DGKB: variants seen among roughly 807,000 people sequenced by gnomAD.
The protein encoded by DGKB is 90 kDa diacylglycerol kinase.
A neutral mutation model predicts 114.3 loss-of-function variants in DGKB; 67 were observed. The ratio of observed to expected loss-of-function variants is 0.59; its 90% CI spans 0.48 to 0.72. The LOEUF (loss-of-function observed/expected upper bound fraction) is 0.72, where lower values mean the gene tolerates loss of function less well. DGKB is among the 30% of genes least tolerant of loss of function. The probability of loss-of-function intolerance (pLI) is 0.00; values close to 1 mark genes in which losing one functional copy is unlikely to be tolerated. For synonymous variants in DGKB, 398 were observed against 323.1 expected (o/e 1.23, Z -2.49); for missense variants, 907 against 975.2 (o/e 0.93, Z 0.93).
At chr7:14,760,322 T>C (rs1835502624) in intron 2 of DGKB, among the ~76,000 whole-genome samples, 1 of 152,158 alleles carries the variant, frequency 6.6e-6, no homozygotes, top group Non-Finnish European at 1.5e-5. Context: ...ACTTTCAACT[T>C]CATCACAAAG....
intron 20 of DGKB, among the ~76,000 whole-genome samples, chr7:14,523,097 T>G (rs368642087): frequency 6.6e-6 from 1 of 152,302 alleles, no homozygotes. Flanking sequence ...TAAATATTAA[T>G]AACAGGAAGC....
chr7:14,310,210 TAAAG>T (rs1372048013), intron 23 of DGKB, among the ~76,000 whole-genome samples: 1 of 152,102 alleles, frequency 6.6e-6, no homozygotes, highest in East Asian at 1.9e-4. Flanking sequence ...TACCAAAATA[TAAAG>T]AGTGTGTTGT....
intron 21 of DGKB, among the ~76,000 whole-genome samples, chr7:14,463,872 A>T (rs559580025): frequency 6.6e-6 from 1 of 152,316 alleles, no homozygotes; most frequent in South Asian, 2.1e-4. Flanking sequence ...GCCTTTAAGA[A>T]ATATAAATGA....
chr7:14,794,198 G>C (rs1841083992), intron 2 of DGKB, among the ~76,000 whole-genome samples: 1 of 152,124 alleles, frequency 6.6e-6, no homozygotes, highest in African/African-American at 2.4e-5. Flanking sequence ...ACCAAGAGTG[G>C]TTCTAGAGGA....
chr7:14,418,506 T>A (rs1826150201), intron 21 of DGKB, among the ~76,000 whole-genome samples: 1 of 151,220 alleles, frequency 6.6e-6, no homozygotes, highest in South Asian at 2.1e-4. Flanking sequence ...AACCATAGTG[T>A]CTCCTACAAA....
At chr7:14,866,479 T>A (rs977657051) in intron 1 of DGKB, among the ~76,000 whole-genome samples, 1 of 152,226 alleles carries the variant, frequency 6.6e-6, no homozygotes, top group African/African-American at 2.4e-5. Context: ...CAGAATGTTA[T>A]ATACACTTAG....
chr7:14,545,679 G>C (rs570785428), intron 20 of DGKB, among the ~76,000 whole-genome samples: 1 of 152,188 alleles, frequency 6.6e-6, no homozygotes, highest in Non-Finnish European at 1.5e-5. Flanking sequence ...TTTAAGAATT[G>C]CTACACTGGG....
At chr7:14,737,140 G>A (rs1831839731) in intron 4 of DGKB, among the ~76,000 whole-genome samples, 1 of 152,174 alleles carries the variant, frequency 6.6e-6, no homozygotes, top group Non-Finnish European at 1.5e-5. Context: ...GGAGGAGAAG[G>A]CCAGTGGAGT....
At chr7:14,749,793 C>T (rs911506622) in intron 4 of DGKB, among the ~76,000 whole-genome samples, 1 of 152,036 alleles carries the variant, frequency 6.6e-6, no homozygotes. Context: ...GTCTTGGAAA[C>T]CTTTGTATAT....
At chr7:14,335,509 G>A (rs1351361067) in intron 23 of DGKB, among the ~76,000 whole-genome samples, 1 of 152,032 alleles carries the variant, frequency 6.6e-6, no homozygotes, top group African/African-American at 2.4e-5. Context: ...AACAGTGTTA[G>A]TTAATATTTT....
chr7:14,720,849 TA>T (rs558389660), intron 5 of DGKB, among the ~76,000 whole-genome samples: 2,833 of 129,986 alleles, frequency 0.022, 16 homozygotes, highest in Middle Eastern at 0.05. Flanking sequence ...TCCTGAGCTT[TA>T]AAAAAAAAAA....
At chr7:14,632,096 T>A (rs1809831488) in intron 13 of DGKB, among the ~76,000 whole-genome samples, 1 of 152,032 alleles carries the variant, frequency 6.6e-6, no homozygotes. Context: ...TGGTTCAGAA[T>A]AACAACCAAA....
At chr7:14,575,552 T>G (rs1799000069) in intron 19 of DGKB, among the ~76,000 whole-genome samples, 1 of 152,174 alleles carries the variant, frequency 6.6e-6, no homozygotes, top group South Asian at 2.1e-4. Context: ...AGGGTTCTTG[T>G]GAAGATTAAG....
At chr7:14,430,061 T>C (rs1828219644) in intron 21 of DGKB, among the ~76,000 whole-genome samples, 1 of 152,204 alleles carries the variant, frequency 6.6e-6, no homozygotes, top group Non-Finnish European at 1.5e-5. Context: ...ACTTTTTAGT[T>C]ACATTCTTTC....
At chr7:14,440,803 C>T (rs940157092) in intron 21 of DGKB, among the ~76,000 whole-genome samples, 11 of 152,124 alleles carry the variant, frequency 7.2e-5, no homozygotes, top group Non-Finnish European at 1.3e-4. Flanking sequence ...ACAAGTTGCT[C>T]TTCAAAGTGT....
chr7:14,500,247 TC>T (rs1785944387), intron 20 of DGKB, among the ~76,000 whole-genome samples: 2 of 151,864 alleles, frequency 1.3e-5, no homozygotes, highest in Non-Finnish European at 2.9e-5. Context: ...ACTGTATTGA[TC>T]CAGACTATAA....
intron 13 of DGKB, among the ~76,000 whole-genome samples, chr7:14,658,603 A>G (rs1236232718): frequency 6.6e-6 from 1 of 151,972 alleles, no homozygotes; most frequent in Non-Finnish European, 1.5e-5. Flanking sequence ...GAAATACTCA[A>G]GGTGATGTAT....
rs1223613771 is a variant in DGKB at position 14,147,580 on chromosome 7, C to CAAAG, written c.*1547_*1550dup. On this transcript the variant is annotated 3_prime_UTR_variant, in exon 26 of 26. Coordinates refer to ENST00000402815, the MANE Select transcript of DGKB (RefSeq NM_001350709.2). ...GAATCACTAAATGCTATTTGTTATT[C>CAAAG]AAAGAAAGATGAATGAATCAATAAC... is the stretch of plus-strand genomic sequence containing the variant. The CAAAG allele has an allele frequency of 1.3e-5, 2 of 152,112 alleles. No individual in the cohort carries two copies. Among genetic ancestry groups the CAAAG allele is most frequent in the African/African-American group, 4.8e-5 (2 of 41,402 alleles). 9.4% of individuals were successfully genotyped at this position (152,112 alleles called of 1,614,324 possible).
intron 21 of DGKB, among the ~76,000 whole-genome samples, chr7:14,460,781 C>T (rs559407611): frequency 9.9e-5 from 15 of 152,136 alleles, no homozygotes; most frequent in Non-Finnish European, 2.2e-4. Context: ...GAATTCTCCA[C>T]CCCAAATCAA....
Sources: gnomAD v4.1 joint callset for allele counts (sites outside exome capture counted in the v4.1 genomes callset) on GRCh38, gnomAD v4.1.1 for gene constraint, MANE v1.5 for transcripts, NCBI Gene and HGNC (gene_info 2026-07-23, HGNC 2026-07-21) for gene names.